Variants in SHISA9 observed in about 807,000 individuals in gnomAD.
SHISA9 encodes protein shisa-9.
A neutral mutation model predicts 38.0 loss-of-function variants in SHISA9; 13 were observed. That is an observed-to-expected ratio of 0.34 (90% CI 0.22 to 0.54). The LOEUF (loss-of-function observed/expected upper bound fraction) is 0.54. SHISA9 is among the 20% of genes least tolerant of loss of function. The pLI is 0.91. For synonymous variants in SHISA9, 275 were observed against 242.0 expected (o/e 1.14, Z -1.27); for missense variants, 538 against 575.8 (o/e 0.93, Z 0.67).
In SHISA9 at chr16:13,148,317, C is replaced by T. The variant is rs112597479; in HGVS notation, c.692-55077C>T. On this transcript the variant is annotated intron_variant, in intron 2 of 4. Coordinates refer to ENST00000558583, the MANE Select transcript of SHISA9 (RefSeq NM_001145204.3). ...CACATAGGCAAGAGCAGATGCAATG[C>T]CTTGGGTTCACACACTCTTTACACA... Among the ~76,000 whole-genome samples the T allele has an allele frequency of 7.1e-3, 1,083 of 152,154 alleles. 16 individuals carry two copies. The highest frequency in any genetic ancestry group is 0.024 in the African/African-American group (1,004 of 41,496).
At chr16:13,198,137 A>ACCACT (rs899428182) in intron 2 of SHISA9, among the ~76,000 whole-genome samples, 5 of 152,164 alleles carry the variant, frequency 3.3e-5, no homozygotes, top group Non-Finnish European at 5.9e-5. Flanking sequence ...GTGAGCTGAC[A>ACCACT]CCACTCCACT....
At chr16:12,970,477 A>ATGTG (rs2072060795) in intron 2 of SHISA9, among the ~76,000 whole-genome samples, 2 of 18,678 alleles carry the variant, frequency 1.1e-4, no homozygotes, top group African/African-American at 4.1e-4. Flanking sequence ...GTGTATATAT[A>ATGTG]TATATATATA....
the SHISA9 span, among the ~76,000 whole-genome samples, chr16:13,488,076 G>A: frequency 6.6e-6 from 1 of 152,142 alleles, no homozygotes; most frequent in Non-Finnish European, 1.5e-5. Context: ...TTCATCTGAT[G>A]TTTCAGGAAG....
At chr16:13,060,600 T>C (rs1186717132) in intron 2 of SHISA9, among the ~76,000 whole-genome samples, 3 of 148,740 alleles carry the variant, frequency 2.0e-5, no homozygotes, top group Non-Finnish European at 4.4e-5. Context: ...GCCCAGGAGT[T>C]TGAGTCCAGT....
chr16:13,382,110 T>G, the SHISA9 span, among the ~76,000 whole-genome samples: 1 of 152,226 alleles, frequency 6.6e-6, no homozygotes, highest in African/African-American at 2.4e-5. Flanking sequence ...AGTGTATTGA[T>G]ACAAACTCTC....
At chr16:13,386,789 G>T in the SHISA9 span, among the ~76,000 whole-genome samples, 6 of 151,978 alleles carry the variant, frequency 3.9e-5, no homozygotes, top group Non-Finnish European at 7.4e-5. Context: ...CATTTTAATT[G>T]TTATTGTAAT....
the SHISA9 span, among the ~76,000 whole-genome samples, chr16:13,345,844 A>G: frequency 6.6e-6 from 1 of 152,230 alleles, no homozygotes; most frequent in Admixed American, 6.5e-5. Context: ...CATTTCTCTA[A>G]TCATCAGTGA....
At chr16:13,073,962 T>C (rs1393931138) in intron 2 of SHISA9, among the ~76,000 whole-genome samples, 2 of 130,068 alleles carry the variant, frequency 1.5e-5, no homozygotes, top group East Asian at 4.4e-4. Context: ...TGGTCGTTTT[T>C]TTTTTTGTTT....
At chr16:13,558,548 C>A in the SHISA9 span, among the ~76,000 whole-genome samples, 3 of 152,138 alleles carry the variant, frequency 2.0e-5, no homozygotes, top group Admixed American at 2.0e-4. Flanking sequence ...TGTTTAAAGG[C>A]ATCTTATGTA....
In SHISA9 at chr16:13,024,185, G is replaced by A. The variant is rs541851730; in HGVS notation, c.691+107370G>A. On this transcript the variant is annotated intron_variant, in intron 2 of 4. Coordinates refer to ENST00000558583, the MANE Select transcript of SHISA9 (RefSeq NM_001145204.3). ...CTCAAGCACCTACAGAACAAATTGA[G>A]CCCAGGTCTGCTGTTTCCAGAGCCC... Among the ~76,000 whole-genome samples, 361 of 152,330 alleles carry A rather than the reference G, an allele frequency of 2.4e-3. 1 individual carries two copies. The highest frequency in any genetic ancestry group is 8.1e-3 in the African/African-American group (335 of 41,576).
At chr16:13,285,361 G>A in the SHISA9 span, among the ~76,000 whole-genome samples, 4 of 151,556 alleles carry the variant, frequency 2.6e-5, no homozygotes, top group South Asian at 2.1e-4. Flanking sequence ...TAAATTGAAC[G>A]ATGTTGGCAG....
the SHISA9 span, among the ~76,000 whole-genome samples, chr16:13,454,974 T>C: frequency 6.6e-6 from 1 of 152,100 alleles, no homozygotes. Flanking sequence ...CCTTGGCCAA[T>C]CTCACTATTG....
chr16:13,441,223 A>C, the SHISA9 span, among the ~76,000 whole-genome samples: 1 of 152,260 alleles, frequency 6.6e-6, no homozygotes, highest in African/African-American at 2.4e-5. Flanking sequence ...CGTAAACAAC[A>C]ATATGGCATC....
At position 13,007,245 on chromosome 16, in the gene SHISA9, C is replaced by T. The variant is rs117747758; in HGVS notation, c.691+90430C>T. Among the ~76,000 whole-genome samples, 36 of 152,272 alleles carry T rather than the reference C, an allele frequency of 2.4e-4. No individual in the cohort carries two copies. The East Asian group carries it at 6.8e-3, about 29-fold the overall frequency. ...CATTGTCTCCCACTCTGGACCATCC[C>T]TTTCTCCTGTGTTATAAGGCTCAGG... On this transcript the variant is annotated intron_variant, in intron 2 of 4. Coordinates refer to ENST00000558583, the MANE Select transcript of SHISA9 (RefSeq NM_001145204.3).
the SHISA9 span, among the ~76,000 whole-genome samples, chr16:13,434,927 G>T: frequency 6.6e-6 from 1 of 152,184 alleles, no homozygotes; most frequent in Non-Finnish European, 1.5e-5. Flanking sequence ...AGAGATTGGT[G>T]CTTTTCAGAA....
the SHISA9 span, among the ~76,000 whole-genome samples, chr16:13,347,757 T>C: frequency 2.6e-5 from 4 of 152,202 alleles, no homozygotes; most frequent in Non-Finnish European, 4.4e-5. Flanking sequence ...TTCTTCTTTT[T>C]CTTCACCATC....
At chr16:12,951,796 C>A (rs75422843) in intron 2 of SHISA9, among the ~76,000 whole-genome samples, 2,643 of 152,266 alleles carry the variant, frequency 0.017, 56 homozygotes, top group East Asian at 0.082. Flanking sequence ...AAGGAAGAAG[C>A]TTTGTTAGGG....
chr16:13,374,780 C>T, the SHISA9 span, among the ~76,000 whole-genome samples: 1 of 152,186 alleles, frequency 6.6e-6, no homozygotes, highest in South Asian at 2.1e-4. Flanking sequence ...ACAGTCCCAC[C>T]AACAGTGTAG....
At chr16:13,279,836 C>T in the SHISA9 span, among the ~76,000 whole-genome samples, 1 of 151,844 alleles carries the variant, frequency 6.6e-6, no homozygotes, top group Non-Finnish European at 1.5e-5. Flanking sequence ...GAAGAATTAT[C>T]TGTTTTAGTA....
Sources: gnomAD v4.1 joint callset for allele counts (sites outside exome capture counted in the v4.1 genomes callset) on GRCh38, gnomAD v4.1.1 for gene constraint, MANE v1.5 for transcripts, NCBI Gene and HGNC (gene_info 2026-07-23, HGNC 2026-07-21) for gene names.